Variants in ATP10B observed in about 807,000 individuals in gnomAD.
The protein encoded by ATP10B is phospholipid-transporting ATPase VB.
Under a neutral mutation model 141.2 loss-of-function variants are expected in ATP10B, and 122 were observed. The observed-to-expected ratio is 0.86, with a 90% CI of 0.75 to 1.00. The LOEUF (loss-of-function observed/expected upper bound fraction) is 1.00. ATP10B is among the 50% of genes least tolerant of loss of function. The pLI is 0.00. For synonymous variants in ATP10B, 685 were observed against 692.0 expected, an observed-to-expected ratio of 0.99 and a Z score of 0.16; for missense variants, 1,876 against 1,825.3, an observed-to-expected ratio of 1.03 and a Z score of -0.51.
chr5:160,850,206 G>A (rs949435253), intron 1 of ATP10B, among the ~76,000 whole-genome samples: 3 of 151,998 alleles, frequency 2.0e-5, no homozygotes, highest in Non-Finnish European at 2.9e-5. Context: ...AGGAGTTCGA[G>A]ACCAGCCTGG....
chr5:160,621,233 G>A (rs1248417841), intron 14 of ATP10B, among the ~76,000 whole-genome samples: 30 of 152,288 alleles, frequency 2.0e-4, no homozygotes, highest in Non-Finnish European at 2.9e-5. Context: ...ATCTTTGAGT[G>A]CGGTATCTCA....
chr5:160,831,328 C>T (rs1262308325), intron 1 of ATP10B, among the ~76,000 whole-genome samples: 1 of 151,948 alleles, frequency 6.6e-6, no homozygotes, highest in Non-Finnish European at 1.5e-5. Flanking sequence ...CTTCTGATAC[C>T]TTATGATGAA....
chr5:160,922,585 T>C, the ATP10B span, among the ~76,000 whole-genome samples: 1 of 152,196 alleles, frequency 6.6e-6, no homozygotes, highest in African/African-American at 2.4e-5. Flanking sequence ...GAAGACAATG[T>C]GTCTACAAAG....
chr5:160,757,626 C>A (rs1424020581), intron 2 of ATP10B, among the ~76,000 whole-genome samples: 2 of 151,774 alleles, frequency 1.3e-5, no homozygotes, highest in Admixed American at 6.6e-5. Context: ...GTCTTCTGAG[C>A]CTTTTTTTAA....
At chr5:160,827,979 T>A (rs893206435) in intron 1 of ATP10B, among the ~76,000 whole-genome samples, 5 of 152,136 alleles carry the variant, frequency 3.3e-5, no homozygotes, top group Admixed American at 3.3e-4. Context: ...ACCATGCTGT[T>A]TTGGTTACTG....
Position 160,581,024 on chromosome 5 carries a change from TTCTG to T in ATP10B, c.3750+8564_3750+8567del, listed in dbSNP as rs564910902. 4.1e-3 allele frequency among the ~76,000 whole-genome samples: 623 copies of T among 152,344 alleles called. 2 individuals are homozygous for T. The highest frequency in any genetic ancestry group is 4.7e-3 in the Non-Finnish European group (322 of 68,022). Reference sequence around the variant, plus strand: ...GTGATATCCTCTTTATCATTTTTTATTCTGTCTATTTGATTTTTCTCTCATTAGT... The same window carrying T: ...GTGATATCCTCTTTATCATTTTTTATTCTATTTGATTTTTCTCTCATTAGT... On this transcript the variant is annotated intron_variant, in intron 24 of 25. Transcript: ENST00000327245.
chr5:160,870,665 T>G, the ATP10B span, among the ~76,000 whole-genome samples: 1 of 152,018 alleles, frequency 6.6e-6, no homozygotes, highest in Non-Finnish European at 1.5e-5. Context: ...GAAACAATAC[T>G]GGCTGAGAAT....
intron 1 of ATP10B, among the ~76,000 whole-genome samples, chr5:160,797,946 A>G (rs1772074662): frequency 1.8e-5 from 2 of 110,326 alleles, no homozygotes; most frequent in Non-Finnish European, 3.9e-5. Flanking sequence ...AAAAGAAAAA[A>G]AGAAAAAAAA....
intron 14 of ATP10B, 42 bp downstream of exon 14, chr5:160,622,352 T>C (rs1259694572): frequency 6.4e-7 from 1 of 1,558,582 alleles, no homozygotes; most frequent in Non-Finnish European, 8.7e-7. Context: ...TCTACTCCTC[T>C]ACCTCCTTTA....
At chr5:160,605,114 A>T (rs895079619) in intron 19 of ATP10B, among the ~76,000 whole-genome samples, 4 of 152,240 alleles carry the variant, frequency 2.6e-5, no homozygotes, top group African/African-American at 9.6e-5. Flanking sequence ...TGCAGGCCAT[A>T]GTTTGCCAAC....
At chr5:160,844,289 A>G (rs942424122) in intron 1 of ATP10B, among the ~76,000 whole-genome samples, 11 of 152,198 alleles carry the variant, frequency 7.2e-5, no homozygotes, top group African/African-American at 2.2e-4. Flanking sequence ...CCCAACCTGG[A>G]AACAATCCAA....
intron 1 of ATP10B, among the ~76,000 whole-genome samples, chr5:160,813,411 T>G (rs1190513673): frequency 6.6e-6 from 1 of 152,156 alleles, no homozygotes; most frequent in Admixed American, 6.5e-5. Flanking sequence ...AAGATCAAAC[T>G]GCAAGGCAGC....
chr5:160,871,901 G>A, the ATP10B span, among the ~76,000 whole-genome samples: 53 of 152,162 alleles, frequency 3.5e-4, 1 homozygote, highest in East Asian at 5.6e-3. Context: ...TTTCCTCTGT[G>A]TAGACATCCA....
At chr5:160,752,052 A>G (rs1252027276) in intron 2 of ATP10B, among the ~76,000 whole-genome samples, 2 of 152,142 alleles carry the variant, frequency 1.3e-5, no homozygotes, top group African/African-American at 2.4e-5. Flanking sequence ...GACTCTAAGT[A>G]GGGCAACCAC....
chr5:160,616,500 G>A (rs1304588276), intron 16 of ATP10B, among the ~76,000 whole-genome samples: 1 of 152,104 alleles, frequency 6.6e-6, no homozygotes, highest in African/African-American at 2.4e-5. Flanking sequence ...AATGAAAGAC[G>A]GAGAAAGTTC....
chr5:160,910,367 A>T, the ATP10B span, among the ~76,000 whole-genome samples: 1 of 152,150 alleles, frequency 6.6e-6, no homozygotes, highest in African/African-American at 2.4e-5. Flanking sequence ...TCCTATTTGT[A>T]TGTATATTCT....
At chr5:160,764,514 C>A (rs752242717) in intron 2 of ATP10B, among the ~76,000 whole-genome samples, 5 of 152,056 alleles carry the variant, frequency 3.3e-5, no homozygotes, top group Non-Finnish European at 2.9e-5. Flanking sequence ...AATCCAGCAT[C>A]TCTTTATGAT....
At chr5:160,868,521 T>TACACACACACACACAC in the ATP10B span, among the ~76,000 whole-genome samples, 40 of 130,404 alleles carry the variant, frequency 3.1e-4, no homozygotes, top group Middle Eastern at 3.8e-3. Flanking sequence ...TATGAACAGA[T>TACACACACACACACAC]ACACACACAC....
the ATP10B span, among the ~76,000 whole-genome samples, chr5:160,906,280 C>T: frequency 1.1e-4 from 17 of 151,770 alleles, no homozygotes; most frequent in South Asian, 4.2e-4. Context: ...TTCACTATAG[C>T]GGGAGCTTCA....
Sources: allele counts gnomAD v4.1 joint callset (sites outside exome capture counted in the v4.1 genomes callset), GRCh38; gene constraint gnomAD v4.1.1; transcripts MANE v1.5; gene names NCBI Gene and HGNC (gene_info 2026-07-23, HGNC 2026-07-21).